Variants in C14orf93 observed in about 807,000 individuals in gnomAD.
C14orf93 encodes the protein chromosome 14 open reading frame 93.
A neutral mutation model predicts 44.0 loss-of-function variants in C14orf93; 23 were observed. The ratio of observed to expected loss-of-function variants is 0.52; its 90% confidence interval spans 0.38 to 0.74. C14orf93 has a LOEUF of 0.74. Among genes scored for constraint, C14orf93 ranks in the 30% least tolerant of loss-of-function variants. The pLI, the probability that C14orf93 is intolerant of heterozygous loss-of-function variation, is 0.00. For synonymous variants in C14orf93, 253 were observed against 265.7 expected (o/e 0.95, Z 0.46); for missense variants, 579 against 678.9 (o/e 0.85, Z 1.64).
At position 22,987,969 on chromosome 14, in the gene C14orf93, G is replaced by A; in HGVS notation, c.1131C>T (p.Asn377=). The stretch of plus-strand genomic sequence containing the variant: ...TCAGGCCTTTAAAGGGGTTCAGGGA[G>A]TTGCGGTACTCACGCCTCTTAGTAA... ...YFLTKRREYR[N]SLNPFKGLKE... The change falls in exon 6 of 7, where the codon AAC becomes AAT. Residue 377 remains asparagine, a synonymous_variant. Coordinates refer to ENST00000299088, the MANE Select transcript of C14orf93 (RefSeq NM_021944.4). The surrounding 1 kb of genome is among the most constrained non-coding windows in gnomAD (Gnocchi z 5.6). 1 of 1,613,954 alleles carries A rather than the reference G, an allele frequency of 6.2e-7. No individual in the cohort carries two copies. The highest frequency in any genetic ancestry group is 8.5e-7 in the Non-Finnish European group (1 of 1,179,900).
chr14:23,002,709 C>A (rs2046374785), intron 1 of C14orf93: 1 of 152,068 alleles, frequency 6.6e-6, no homozygotes, highest in South Asian at 2.1e-4. Context: ...GGACACCCAC[C>A]CTGATTCCTT....
intron 1 of C14orf93, among the ~76,000 whole-genome samples, chr14:23,008,851 T>A (rs1040448625): frequency 6.6e-6 from 1 of 152,234 alleles, no homozygotes; most frequent in African/African-American, 2.4e-5. Flanking sequence ...TGCCTTTGCA[T>A]CCTCTTGGCT....
intron 1 of C14orf93, among the ~76,000 whole-genome samples, chr14:23,007,756 A>G (rs948480287): frequency 6.6e-6 from 1 of 152,120 alleles, no homozygotes; most frequent in Non-Finnish European, 1.5e-5. Context: ...GTTCAGGGAG[A>G]GCTCTCCCTA....
chr14:23,004,183 C>G (rs2046509356), intron 1 of C14orf93, among the ~76,000 whole-genome samples: 1 of 149,884 alleles, frequency 6.7e-6, no homozygotes, highest in African/African-American at 2.5e-5. Flanking sequence ...GCTGAGATTA[C>G]AGGCGTGAGC....
At chr14:23,001,034 GAAACTAAAGGTTAAACCAAATTA>G (rs2046266587) in intron 1 of C14orf93, 1 of 152,170 alleles carries the variant, frequency 6.6e-6, no homozygotes, top group Non-Finnish European at 1.5e-5. Context: ...AGCTAAACCT[GAAACTAAAGGTTAAACCAAATTA>G]AAACTAAAGG....
intron 3 of C14orf93, among the ~76,000 whole-genome samples, chr14:22,992,287 G>A (rs2045688248): frequency 6.6e-6 from 1 of 151,896 alleles, no homozygotes; most frequent in Non-Finnish European, 1.5e-5. Flanking sequence ...CCAACATGGT[G>A]AAACCTCATC....
chr14:22,992,478 A>AG (rs961884345), intron 3 of C14orf93, among the ~76,000 whole-genome samples: 4 of 151,288 alleles, frequency 2.6e-5, no homozygotes, highest in African/African-American at 9.7e-5. Flanking sequence ...AAAAAAAAAA[A>AG]AAAGAAAGAA....
chr14:23,007,830 G>A (rs1256496642), intron 1 of C14orf93, among the ~76,000 whole-genome samples: 1 of 152,062 alleles, frequency 6.6e-6, no homozygotes, highest in African/African-American at 2.4e-5. Flanking sequence ...ATGTGGAAAA[G>A]AGCTAAAAAG....
intron 3 of C14orf93, among the ~76,000 whole-genome samples, chr14:22,992,465 C>CAAA (rs58974559): frequency 3.2e-4 from 23 of 71,130 alleles, no homozygotes; most frequent in African/African-American, 8.8e-4. Context: ...GACTCTGTTT[C>CAAA]AAAAAAAAAA....
intron 1 of C14orf93, among the ~76,000 whole-genome samples, chr14:23,009,822 T>A (rs2046790316): frequency 6.6e-6 from 1 of 151,764 alleles, no homozygotes; most frequent in South Asian, 2.1e-4. Flanking sequence ...ACCACAAAAA[T>A]CTACCAGTTC....
rs1014713954 is a variant in C14orf93 at position 22,986,964 on chromosome 14, C to G, written c.*251G>C. On this transcript the variant is annotated 3_prime_UTR_variant, in exon 7 of 7. Transcript: ENST00000299088. Reference sequence around the variant, plus strand: ...CTCATTTTCTCATCCCAGGCTTCTCCGAGATACTGTTTATGCTGAGGAATA... The same window carrying G: ...CTCATTTTCTCATCCCAGGCTTCTCGGAGATACTGTTTATGCTGAGGAATA... The G allele has an allele frequency of 1.9e-6, 1 of 517,974 alleles. No homozygotes were observed. Among genetic ancestry groups the G allele is most frequent in the Admixed American group, 3.7e-5 (1 of 27,348 alleles). The allele number at this position is 517,974 out of a possible 1,614,324, so 32.1% of individuals were successfully genotyped here.
At chr14:23,007,118 A>G (rs527306374) in intron 1 of C14orf93, 1 of 152,356 alleles carries the variant, frequency 6.6e-6, no homozygotes, top group East Asian at 1.9e-4. Flanking sequence ...CGCGGGAGAC[A>G]GAACTATCCG....
chr14:23,003,786 G>A (rs931230994), intron 1 of C14orf93, among the ~76,000 whole-genome samples: 4 of 144,368 alleles, frequency 2.8e-5, no homozygotes, highest in Non-Finnish European at 6.0e-5. Context: ...GGGAGACAGG[G>A]CGAGACTCCG....
intron 1 of C14orf93, among the ~76,000 whole-genome samples, chr14:23,004,570 A>T (rs1395060982): frequency 6.6e-6 from 1 of 152,186 alleles, no homozygotes; most frequent in East Asian, 1.9e-4. Flanking sequence ...CTTAAAGTGT[A>T]TTTCAGATGG....
At chr14:23,000,607 T>G (rs2046239646) in intron 1 of C14orf93, among the ~76,000 whole-genome samples, 1 of 150,640 alleles carries the variant, frequency 6.6e-6, no homozygotes, top group Non-Finnish European at 1.5e-5. Context: ...CCCCAGCTAC[T>G]CGGGAGGTTG....
At position 22,989,863 on chromosome 14, in the gene C14orf93, G is replaced by T. The variant is rs374150803; in HGVS notation, c.981-18C>A. ...ACTTGATGCTGCCACAAAGAGAAGA[G>T]AATGAATAAAGTTGTCGGCTTTGTA... is the stretch of plus-strand genomic sequence containing the variant. On this transcript the variant is annotated intron_variant, in intron 4 of 6. Coordinates refer to ENST00000299088, the MANE Select transcript of C14orf93 (RefSeq NM_021944.4). 2 of 1,602,972 alleles carry T rather than the reference G, an allele frequency of 1.2e-6. No individual in the cohort carries two copies. The highest frequency in any genetic ancestry group is 1.1e-5 in the South Asian group (1 of 90,540).
At position 22,989,723 on chromosome 14, in the gene C14orf93, T is replaced by A; in HGVS notation, c.1084+19A>T. On this transcript the variant is annotated intron_variant, in intron 5 of 6. Transcript: ENST00000299088. ...AGGGGGAGAAAGGATGGCATAGGAG[T>A]TAAACCAGTTTTTCTCACCTTTTAG... 6.4e-7 allele frequency: 1 copy of A among 1,553,256 alleles called. No homozygotes were observed. The highest frequency in any genetic ancestry group is 8.9e-7 in the Non-Finnish European group (1 of 1,124,716).
chr14:23,000,577 G>C (rs1057034556), intron 1 of C14orf93, among the ~76,000 whole-genome samples: 2 of 151,900 alleles, frequency 1.3e-5, no homozygotes, highest in East Asian at 3.9e-4. Flanking sequence ...TTAACCGGGC[G>C]TAGTGGCGGG....
chr14:22,991,800 G>A (rs1397673684), intron 3 of C14orf93, among the ~76,000 whole-genome samples: 1 of 151,778 alleles, frequency 6.6e-6, no homozygotes, highest in Non-Finnish European at 1.5e-5. Flanking sequence ...TTGATCTCTT[G>A]ACCTCGTGAA....
Sources: gnomAD v4.1 joint callset for allele counts (sites outside exome capture counted in the v4.1 genomes callset) on GRCh38, gnomAD v4.1.1 for gene constraint, Gnocchi (gnomAD v3.1) non-coding constraint, MANE v1.5 for transcripts, NCBI Gene and HGNC (gene_info 2026-07-23, HGNC 2026-07-21) for gene names.